The following MAPK10 variants were observed in gnomAD, a reference collection of about 807,000 sequenced individuals.
The protein encoded by MAPK10 is mitogen-activated protein kinase 10, also known as JNK3 alpha protein kinase.
In MAPK10, 25 loss-of-function variants were observed where a neutral mutation model predicts 59.3. The ratio of observed to expected loss-of-function variants is 0.42; its 90% CI spans 0.31 to 0.59. MAPK10 has a LOEUF of 0.59. Among genes scored for constraint, MAPK10 ranks in the 20% least tolerant of loss-of-function variants. MAPK10 has a pLI of 0.15. For missense variants in MAPK10, 351 were observed against 568.9 expected, an observed-to-expected ratio of 0.62 and a Z score of 3.90; for synonymous variants, 190 against 200.5, an observed-to-expected ratio of 0.95 and a Z score of 0.44.
At chr4:86,473,251 A>G (rs1752803163) in intron 1 of MAPK10, among the ~76,000 whole-genome samples, 1 of 152,168 alleles carries the variant, frequency 6.6e-6, no homozygotes, top group Non-Finnish European at 1.5e-5. Context: ...CAAATACTGT[A>G]TTTCTAGTTG....
intron 11 of MAPK10, among the ~76,000 whole-genome samples, chr4:86,060,781 G>A (rs1352547951): frequency 6.6e-6 from 1 of 151,934 alleles, no homozygotes; most frequent in Non-Finnish European, 1.5e-5. Flanking sequence ...GAAGAGGTAG[G>A]TATACATTAA....
intron 1 of MAPK10, among the ~76,000 whole-genome samples, chr4:86,427,195 T>C (rs1008901731): frequency 1.0e-4 from 15 of 147,058 alleles, no homozygotes; most frequent in Admixed American, 4.9e-4. Context: ...AGGCAGAGCT[T>C]GCAGTGAGCC....
chr4:86,206,759 C>G (rs935889487), intron 2 of MAPK10, among the ~76,000 whole-genome samples: 7 of 152,100 alleles, frequency 4.6e-5, no homozygotes, highest in Non-Finnish European at 1.0e-4. Flanking sequence ...GAGATGGTAT[C>G]TCATTGTGGT....
chr4:86,107,612 AAGG>A, intron 4 of MAPK10: 3 of 1,079,964 alleles, frequency 2.8e-6, no homozygotes, highest in Non-Finnish European at 3.4e-6. Context: ...GAAGAGGGCA[AAGG>A]AGAAGAAAAA....
rs529017947 is a variant in MAPK10, at chr4:86,400,982, C to T, written c.-121-46338G>A. Among the ~76,000 whole-genome samples the T allele has an allele frequency of 8.5e-5, 13 of 152,134 alleles. No individual in the cohort carries two copies. In the South Asian group the frequency reaches 1.7e-3, roughly 19 times the overall value. On this transcript the variant is annotated intron_variant, in intron 1 of 13. Transcript: ENST00000361569. Reference sequence around the variant, plus strand: ...AAATGACAAAATCAAATGTGGGTCACGAGGTCAATTTTCTCAGTTAATAAA... The same window carrying T: ...AAATGACAAAATCAAATGTGGGTCATGAGGTCAATTTTCTCAGTTAATAAA...
intron 2 of MAPK10, among the ~76,000 whole-genome samples, chr4:86,311,309 A>C (rs1433270924): frequency 6.6e-6 from 1 of 152,128 alleles, no homozygotes; most frequent in Non-Finnish European, 1.5e-5. Context: ...TTTATAGATA[A>C]TCCAAGGTAA....
In MAPK10 at chr4:86,499,918, C is replaced by T. The variant is rs567383861; in HGVS notation, c.-263+93992G>A. 1.3e-4 allele frequency among the ~76,000 whole-genome samples: 20 copies of T among 152,270 alleles called. No homozygotes were observed. The South Asian group carries it at 3.7e-3, about 28-fold the overall frequency. On this transcript the variant is annotated intron_variant, in intron 1 of 4. Coordinates refer to the MAPK10 transcript ENST00000502302. ...GGATCCCAGCAACCATCTTGGACCA[C>T]GTGAAAACCTTGGGGATGGAAATCA...
At chr4:86,092,271 T>C (rs1258423852) in intron 9 of MAPK10, among the ~76,000 whole-genome samples, 1 of 152,168 alleles carries the variant, frequency 6.6e-6, no homozygotes, top group Non-Finnish European at 1.5e-5. Context: ...ATTTTAACTT[T>C]ACTCACCATT....
At chr4:86,135,727 T>A (rs1186154101) in intron 4 of MAPK10, among the ~76,000 whole-genome samples, 1 of 150,402 alleles carries the variant, frequency 6.6e-6, no homozygotes, top group Non-Finnish European at 1.5e-5. Context: ...CTTCAGACGA[T>A]CAAATTACTG....
chr4:86,534,360 C>T (rs1177713553), intron 1 of MAPK10, among the ~76,000 whole-genome samples: 1 of 151,906 alleles, frequency 6.6e-6, no homozygotes, highest in Admixed American at 6.5e-5. Flanking sequence ...ACATTTCACG[C>T]AAGCTGTTAC....
At position 86,015,180 on chromosome 4, in the gene MAPK10, T is replaced by C. The variant is rs1326478436; in HGVS notation, c.*2048A>G. 6.6e-6 allele frequency: 1 copy of C among 152,198 alleles called. No individual in the cohort carries two copies. Among genetic ancestry groups the C allele is most frequent in the Non-Finnish European group, 1.5e-5 (1 of 68,036 alleles). The allele number at this position is 152,198 out of a possible 1,614,324, so 9.4% of individuals were successfully genotyped here. On this transcript the variant is annotated 3_prime_UTR_variant, in exon 14 of 14. Coordinates refer to ENST00000641462, the MANE Select transcript of MAPK10 (RefSeq NM_138982.4). Reference sequence around the variant, plus strand: ...CAAGCTGCACAAAGGAATGTTCTTCTATTTATTTTAAACAAATGACTGCGT... The same window carrying C: ...CAAGCTGCACAAAGGAATGTTCTTCCATTTATTTTAAACAAATGACTGCGT...
intron 1 of MAPK10, chr4:86,384,107 C>T (rs917884871): frequency 6.6e-6 from 1 of 152,064 alleles, no homozygotes; most frequent in African/African-American, 2.4e-5. Context: ...TACCTTTTAC[C>T]GTGACTTCAT....
At chr4:86,562,095 T>C (rs59644743) in intron 1 of MAPK10, among the ~76,000 whole-genome samples, 47,956 of 151,958 alleles carry the variant, frequency 0.32, 7,799 homozygotes, top group Admixed American at 0.36. Flanking sequence ...GTGGCTCATG[T>C]CTGTAATTCT....
At chr4:86,383,970 C>T (rs1019727661) in intron 1 of MAPK10, 4 of 152,140 alleles carry the variant, frequency 2.6e-5, no homozygotes, top group South Asian at 4.1e-4. Context: ...TCTCATTCTT[C>T]GATCTCTCAG....
chr4:86,435,489 C>T (rs927865242), intron 1 of MAPK10, among the ~76,000 whole-genome samples: 2 of 151,522 alleles, frequency 1.3e-5, no homozygotes, highest in Non-Finnish European at 2.9e-5. Flanking sequence ...AAGAGCAAAA[C>T]GCCATCTCAC....
chr4:86,366,704 T>C (rs763923019), intron 1 of MAPK10, among the ~76,000 whole-genome samples: 8 of 152,140 alleles, frequency 5.3e-5, no homozygotes, highest in Non-Finnish European at 8.8e-5. Flanking sequence ...ATTTCTGGGT[T>C]CAGCTGCAGG....
intron 2 of MAPK10, among the ~76,000 whole-genome samples, chr4:86,211,151 A>T (rs1052136651): frequency 5.3e-5 from 8 of 151,996 alleles, no homozygotes; most frequent in African/African-American, 1.7e-4. Context: ...AGAGAGAGAG[A>T]GGGGTAGAAA....
At chr4:86,497,388 TC>T (rs1443081204) in intron 1 of MAPK10, among the ~76,000 whole-genome samples, 2 of 152,172 alleles carry the variant, frequency 1.3e-5, no homozygotes, top group African/African-American at 4.8e-5. Context: ...GGAAAACCTA[TC>T]CTCAGGCTCC....
chr4:86,058,723 G>A (rs114645395), intron 11 of MAPK10, among the ~76,000 whole-genome samples: 4,191 of 134,206 alleles, frequency 0.031, 525 homozygotes, highest in African/African-American at 0.12. Context: ...ATACCCCTTA[G>A]GGTCTCATCT....
Sources: gnomAD v4.1 joint callset for allele counts (sites outside exome capture counted in the v4.1 genomes callset) on GRCh38, gnomAD v4.1.1 for gene constraint, MANE v1.5 for transcripts, NCBI Gene and HGNC (gene_info 2026-07-23, HGNC 2026-07-21) for gene names.